Variants in LINGO2 observed in about 807,000 individuals in gnomAD.
LINGO2 encodes the protein leucine-rich repeat and immunoglobulin-like domain-containing nogo receptor-interacting protein 2.
A neutral mutation model predicts 30.6 loss-of-function variants in LINGO2; 14 were observed. The ratio of observed to expected loss-of-function variants is 0.46; its 90% CI spans 0.30 to 0.72. The LOEUF (loss-of-function observed/expected upper bound fraction) is 0.72, where lower values mean the gene tolerates loss of function less well. LINGO2 is among the 30% of genes least tolerant of loss of function. The pLI, the probability that LINGO2 is intolerant of heterozygous loss-of-function variation, is 0.07. For synonymous variants in LINGO2, 317 were observed against 288.5 expected, an observed-to-expected ratio of 1.10 and a Z score of -1.00; for missense variants, 729 against 751.7, an observed-to-expected ratio of 0.97 and a Z score of 0.35.
At chr9:27,990,463 C>CCCT (rs1554650628) in intron 5 of LINGO2, among the ~76,000 whole-genome samples, 1 of 8,086 alleles carries the variant, frequency 1.2e-4, no homozygotes, top group Non-Finnish European at 1.2e-3. Flanking sequence ...GGTCTCAATA[C>CCCT]CCCCCCCCCT....
intron 1 of LINGO2, among the ~76,000 whole-genome samples, chr9:28,577,591 T>C (rs1336614345): frequency 1.3e-5 from 2 of 152,190 alleles, no homozygotes; most frequent in East Asian, 3.9e-4. Flanking sequence ...GTGTATTGAA[T>C]TCTTTCTCTA....
chr9:28,942,845 GAC>G, the LINGO2 span, among the ~76,000 whole-genome samples: 37 of 152,226 alleles, frequency 2.4e-4, no homozygotes, highest in East Asian at 3.3e-3. Flanking sequence ...AATAATAGGT[GAC>G]ACAAAAGAAA....
At chr9:29,183,626 G>C in the LINGO2 span, among the ~76,000 whole-genome samples, 1 of 151,906 alleles carries the variant, frequency 6.6e-6, no homozygotes, top group Non-Finnish European at 1.5e-5. Flanking sequence ...CTTAGAATAG[G>C]GCCTTAACCA....
chr9:28,481,912 T>C (rs1331336039), intron 1 of LINGO2, among the ~76,000 whole-genome samples: 3 of 152,178 alleles, frequency 2.0e-5, no homozygotes, highest in Non-Finnish European at 4.4e-5. Context: ...CTGAGAATGA[T>C]GATTTCCAAT....
At chr9:28,638,756 T>C (rs1014968977) in intron 1 of LINGO2, among the ~76,000 whole-genome samples, 1 of 152,128 alleles carries the variant, frequency 6.6e-6, no homozygotes, top group African/African-American at 2.4e-5. Flanking sequence ...TTTGTTGCTC[T>C]TTTCAAAAAA....
At chr9:28,923,093 A>T in the LINGO2 span, among the ~76,000 whole-genome samples, 2 of 152,154 alleles carry the variant, frequency 1.3e-5, no homozygotes, top group Non-Finnish European at 2.9e-5. Flanking sequence ...AATGAAAGGA[A>T]ATGGATTTTC....
chr9:29,130,411 T>C, the LINGO2 span, among the ~76,000 whole-genome samples: 6 of 152,112 alleles, frequency 3.9e-5, no homozygotes, highest in African/African-American at 1.4e-4. Flanking sequence ...ACTATTTACA[T>C]TGAGCATGGA....
At position 28,602,528 on chromosome 9, in the gene LINGO2, C is replaced by T. The variant is rs116155821; in HGVS notation, c.-365+67672G>A. Among the ~76,000 whole-genome samples, 784 of 152,068 alleles carry T rather than the reference C, an allele frequency of 5.2e-3. 11 individuals carry two copies. Among genetic ancestry groups the T allele is most frequent in the African/African-American group, 0.017 (716 of 41,510 alleles). ...ATTTTTTTCTAATAGCTTATGCATA[C>T]ATCAAAGTGAGTGATTATTCTTAAA... On this transcript the variant is annotated intron_variant, in intron 1 of 5. Coordinates refer to ENST00000379992, the Ensembl canonical transcript of LINGO2.
chr9:28,806,009 A>G, the LINGO2 span, among the ~76,000 whole-genome samples: 2 of 152,352 alleles, frequency 1.3e-5, no homozygotes, highest in East Asian at 3.9e-4. Context: ...ACAATGAAAT[A>G]CACAGAATGT....
At chr9:27,952,977 A>G (rs1018329084) in intron 5 of LINGO2, among the ~76,000 whole-genome samples, 1 of 152,130 alleles carries the variant, frequency 6.6e-6, no homozygotes, top group Admixed American at 6.5e-5. Flanking sequence ...TATGTAATAG[A>G]TGAAAAGGTG....
intron 1 of LINGO2, among the ~76,000 whole-genome samples, chr9:28,612,841 CA>C (rs1371663602): frequency 6.6e-6 from 1 of 151,932 alleles, no homozygotes; most frequent in Non-Finnish European, 1.5e-5. Flanking sequence ...TTGGGGGAGC[CA>C]GGGGGTGAAA....
intron 4 of LINGO2, among the ~76,000 whole-genome samples, chr9:28,226,639 GAAGGAAAGAAAGAAAGAAAGAAA>G (rs1821163054): frequency 1.8e-5 from 1 of 54,826 alleles, no homozygotes; most frequent in South Asian, 8.7e-4. Context: ...AAGAAGGAAA[GAAGGAAAGAAAGAAAGAAAGAAA>G]GAAAGAAAGA....
chr9:28,594,324 A>C (rs1825068864), intron 1 of LINGO2, among the ~76,000 whole-genome samples: 3 of 152,062 alleles, frequency 2.0e-5, no homozygotes, highest in African/African-American at 7.2e-5. Context: ...CTTAGATTTT[A>C]TTTTGCCAAA....
At chr9:28,704,848 A>G in the LINGO2 span, among the ~76,000 whole-genome samples, 1 of 152,070 alleles carries the variant, frequency 6.6e-6, no homozygotes, top group African/African-American at 2.4e-5. Context: ...CATGTTATTC[A>G]AAGTTTTAAA....
the LINGO2 span, among the ~76,000 whole-genome samples, chr9:29,205,727 C>A: frequency 2.0e-5 from 3 of 152,132 alleles, no homozygotes; most frequent in African/African-American, 7.2e-5. Context: ...TTTTTAACAA[C>A]TGATTTGCCA....
At chr9:28,733,936 T>C in the LINGO2 span, among the ~76,000 whole-genome samples, 1 of 152,172 alleles carries the variant, frequency 6.6e-6, no homozygotes, top group Non-Finnish European at 1.5e-5. Context: ...GTTATCTGTA[T>C]TTAACTTCAC....
intron 5 of LINGO2, among the ~76,000 whole-genome samples, chr9:28,000,952 C>G (rs375626167): frequency 1.8e-4 from 27 of 152,180 alleles, no homozygotes; most frequent in Non-Finnish European, 3.4e-4. Context: ...ATGTCTAAAA[C>G]TGTTATTTCT....
chr9:28,461,656 G>A (rs1251656231), intron 2 of LINGO2, among the ~76,000 whole-genome samples: 1 of 152,140 alleles, frequency 6.6e-6, no homozygotes, highest in East Asian at 1.9e-4. Flanking sequence ...CACAGTCTGT[G>A]AATCAATGTC....
At chr9:28,226,013 G>T (rs1022545741) in intron 4 of LINGO2, among the ~76,000 whole-genome samples, 2 of 152,066 alleles carry the variant, frequency 1.3e-5, no homozygotes, top group African/African-American at 4.8e-5. Flanking sequence ...ACTTCATGTT[G>T]TATCTACATA....
Sources: allele counts gnomAD v4.1 joint callset (sites outside exome capture counted in the v4.1 genomes callset), GRCh38; gene constraint gnomAD v4.1.1; transcripts MANE v1.5; gene names NCBI Gene and HGNC (gene_info 2026-07-23, HGNC 2026-07-21).